DDAH1: variants seen among roughly 807,000 people sequenced by gnomAD.
DDAH1 encodes dimethylarginine dimethylaminohydrolase 1.
A neutral mutation model predicts 28.8 loss-of-function variants in DDAH1; 19 were observed. The ratio of observed to expected loss-of-function variants is 0.66; its 90% confidence interval spans 0.46 to 0.97. The LOEUF is 0.97. Among genes scored for constraint, DDAH1 ranks in the 50% least tolerant of loss-of-function variants. The probability of loss-of-function intolerance (pLI) is 0.00; values close to 1 mark genes in which losing one functional copy is unlikely to be tolerated. For synonymous variants in DDAH1, 153 were observed against 154.4 expected (o/e 0.99, Z 0.07); for missense variants, 326 against 375.9 (o/e 0.87, Z 1.10).
At chr1:85,445,298 T>C (rs528181322) in intron 1 of DDAH1, among the ~76,000 whole-genome samples, 48 of 152,246 alleles carry the variant, frequency 3.2e-4, no homozygotes, top group African/African-American at 1.1e-3. Flanking sequence ...TGTGGGGTGC[T>C]TCAAGGAGGA....
intron 2 of DDAH1, among the ~76,000 whole-genome samples, chr1:85,353,086 T>C (rs899746138): frequency 6.6e-6 from 1 of 152,222 alleles, no homozygotes. Flanking sequence ...AAGATACCTA[T>C]GTACAAAGTA....
At chr1:85,398,251 A>C (rs1259868734) in intron 1 of DDAH1, among the ~76,000 whole-genome samples, 1 of 152,236 alleles carries the variant, frequency 6.6e-6, no homozygotes, top group Admixed American at 6.5e-5. Context: ...AAATTTAAAA[A>C]GAACTGTGTG....
intron 1 of DDAH1, among the ~76,000 whole-genome samples, chr1:85,383,499 A>G (rs72724604): frequency 0.022 from 3,285 of 152,326 alleles, 48 homozygotes; most frequent in Non-Finnish European, 0.031. Flanking sequence ...TGTTGAAATG[A>G]TAATAAAATA....
intron 1 of DDAH1, among the ~76,000 whole-genome samples, chr1:85,423,708 G>A (rs1653257603): frequency 6.6e-6 from 1 of 151,882 alleles, no homozygotes; most frequent in African/African-American, 2.4e-5. Context: ...CAGTTCTTTG[G>A]GATTTTCTTA....
At chr1:85,550,798 T>G (rs1658766039) in intron 1 of DDAH1, among the ~76,000 whole-genome samples, 1 of 152,148 alleles carries the variant, frequency 6.6e-6, no homozygotes, top group Non-Finnish European at 1.5e-5. Flanking sequence ...AGCACGTATG[T>G]ATTAACTTGA....
intron 1 of DDAH1, among the ~76,000 whole-genome samples, chr1:85,390,553 A>G (rs1211056644): frequency 2.0e-5 from 3 of 152,188 alleles, no homozygotes; most frequent in African/African-American, 4.8e-5. Flanking sequence ...GGGGTTGGGG[A>G]ACACATGGAT....
intron 1 of DDAH1, among the ~76,000 whole-genome samples, chr1:85,525,567 T>TCACACACACACACA (rs3058870): frequency 0.016 from 2,323 of 149,076 alleles, 42 homozygotes; most frequent in African/African-American, 0.043. Context: ...AGAATGATAT[T>TCACACACACACACA]CACACACACA....
At chr1:85,550,823 G>C (rs889996879) in intron 1 of DDAH1, among the ~76,000 whole-genome samples, 1 of 152,176 alleles carries the variant, frequency 6.6e-6, no homozygotes, top group Non-Finnish European at 1.5e-5. Flanking sequence ...TAAGAAGGCA[G>C]ACGTGTCATC....
At chr1:85,534,453 T>C (rs1257261115) in intron 1 of DDAH1, among the ~76,000 whole-genome samples, 8 of 152,094 alleles carry the variant, frequency 5.3e-5, no homozygotes, top group East Asian at 1.9e-4. Flanking sequence ...TATATATATA[T>C]ACACACACAT....
chr1:85,457,288 C>G (rs1654930112), intron 1 of DDAH1, among the ~76,000 whole-genome samples: 1 of 152,176 alleles, frequency 6.6e-6, no homozygotes, highest in African/African-American at 2.4e-5. Context: ...TTGCTCTTCT[C>G]TGCCTTCCCC....
chr1:85,426,143 T>A (rs776694226), intron 1 of DDAH1, among the ~76,000 whole-genome samples: 12 of 152,206 alleles, frequency 7.9e-5, no homozygotes, highest in South Asian at 6.2e-4. Flanking sequence ...ATCATCACCA[T>A]AATCAAATAT....
intron 1 of DDAH1, among the ~76,000 whole-genome samples, chr1:85,544,387 T>C (rs770018958): frequency 8.5e-5 from 13 of 152,176 alleles, no homozygotes; most frequent in South Asian, 2.1e-4. Flanking sequence ...AGGCACTAGA[T>C]ACATGAATTG....
At chr1:85,344,574 TCCTTCCCTC>T (rs922756647) in intron 4 of DDAH1, among the ~76,000 whole-genome samples, 1 of 106,880 alleles carries the variant, frequency 9.4e-6, no homozygotes, top group Non-Finnish European at 2.2e-5. Flanking sequence ...CCTCCCTTCA[TCCTTCCCTC>T]CCTTCCCTCC....
At chr1:85,466,320 G>A (rs1468962298), upstream of DDAH1, among the ~76,000 whole-genome samples, 1 of 152,014 alleles carries the variant, frequency 6.6e-6, no homozygotes, top group Non-Finnish European at 1.5e-5. Context: ...GCACGATCTC[G>A]GCTTACTTCA....
chr1:85,502,155 T>C (rs574198527), intron 1 of DDAH1, among the ~76,000 whole-genome samples: 1 of 152,354 alleles, frequency 6.6e-6, no homozygotes, highest in East Asian at 1.9e-4. Flanking sequence ...TTTTGAACGA[T>C]CATGTCACTT....
At chr1:85,538,417 C>T (rs4949893) in intron 1 of DDAH1, among the ~76,000 whole-genome samples, 1 of 152,202 alleles carries the variant, frequency 6.6e-6, no homozygotes, top group South Asian at 2.1e-4. Context: ...TAAGTCTGTA[C>T]TCAGATCCTA....
At chr1:85,363,324 G>C (rs1333694626) in intron 1 of DDAH1, among the ~76,000 whole-genome samples, 2 of 152,176 alleles carry the variant, frequency 1.3e-5, no homozygotes, top group African/African-American at 2.4e-5. Context: ...AAGTTGGCCT[G>C]TCTGTGGCTG....
At chr1:85,478,451 G>C (rs976935452) in intron 2 of DDAH1, among the ~76,000 whole-genome samples, 2 of 152,188 alleles carry the variant, frequency 1.3e-5, no homozygotes, top group Non-Finnish European at 2.9e-5. Context: ...CATGGCAGAA[G>C]GTGAAGGAGG....
At chr1:85,518,284 A>G (rs376945209) in intron 1 of DDAH1, among the ~76,000 whole-genome samples, 1 of 152,242 alleles carries the variant, frequency 6.6e-6, no homozygotes, top group East Asian at 1.9e-4. Context: ...AACAACACAG[A>G]CATTATTTTA....
Sources: gnomAD v4.1 joint callset for allele counts (sites outside exome capture counted in the v4.1 genomes callset) on GRCh38, gnomAD v4.1.1 for gene constraint, MANE v1.5 for transcripts, NCBI Gene and HGNC (gene_info 2026-07-23, HGNC 2026-07-21) for gene names.